The following TBC1D16 variants were observed in gnomAD, a reference collection of about 807,000 sequenced individuals.
The protein encoded by TBC1D16 is CTD-2529O21.1.
TBC1D16 carries 58 observed loss-of-function variants against 74.7 expected under a neutral mutation model. The observed-to-expected ratio is 0.78, with a 90% confidence interval of 0.63 to 0.97. TBC1D16 has a LOEUF of 0.97. Ranked by LOEUF, TBC1D16 falls within the 50% of genes least tolerant of loss-of-function variation. The pLI, the probability that TBC1D16 is intolerant of heterozygous loss-of-function variation, is 0.00. For missense variants in TBC1D16, 1,014 were observed against 1,079.5 expected (o/e 0.94, Z 0.85); for synonymous variants, 493 against 474.7 (o/e 1.04, Z -0.50).
chr17:79,977,867 T>TG (rs1462287915), intron 3 of TBC1D16, among the ~76,000 whole-genome samples: 1 of 152,190 alleles, frequency 6.6e-6, no homozygotes, highest in Admixed American at 6.5e-5. Flanking sequence ...GGGCGATTGA[T>TG]GCGGCTGCCA....
At chr17:79,960,202 T>C (rs1364379134) in intron 3 of TBC1D16, among the ~76,000 whole-genome samples, 2 of 152,052 alleles carry the variant, frequency 1.3e-5, no homozygotes, top group Non-Finnish European at 2.9e-5. Flanking sequence ...ATCATATAAG[T>C]CAGTAATATG....
rs965141092 is a variant in TBC1D16, at chr17:79,985,088, G to A, written c.779+25072C>T. 1.3e-5 allele frequency among the ~76,000 whole-genome samples: 2 copies of A among 152,136 alleles called. No homozygotes were observed. Among genetic ancestry groups the A allele is most frequent in the Non-Finnish European group, 2.9e-5 (2 of 68,028 alleles). On this transcript the variant is annotated intron_variant, in intron 3 of 11. Coordinates refer to ENST00000310924, the MANE Select transcript of TBC1D16 (RefSeq NM_019020.4). The surrounding 1 kb of genome is among the most constrained non-coding windows in gnomAD (Gnocchi z 4.9). ...TCAAAGTCAAGGTGCTAGTCGGGCCGCGCCCCCTCTGAAGGCTCCAGGCAA... is the reference window on the plus strand; with the variant it reads ...TCAAAGTCAAGGTGCTAGTCGGGCCACGCCCCCTCTGAAGGCTCCAGGCAA...
Position 80,032,500 on chromosome 17 carries a change from TTC to T in TBC1D16, c.-63+3293_-63+3294del, listed in dbSNP as rs555934549. Among the ~76,000 whole-genome samples, 13 of 152,296 alleles carry T rather than the reference TTC, an allele frequency of 8.5e-5. No individual in the cohort carries two copies. The South Asian group carries it at 2.7e-3, about 32-fold the overall frequency. On this transcript the variant is annotated intron_variant, in intron 1 of 11. Transcript: ENST00000310924. Reference sequence around the variant, plus strand: ...TCCGAAGACAGAGTAAAGAACGTATTTCAAATCAGATGCCACCAGACAGCTCA... The same window carrying T: ...TCCGAAGACAGAGTAAAGAACGTATTAAATCAGATGCCACCAGACAGCTCA...
chr17:79,989,331 C>T (rs937595032), intron 3 of TBC1D16, among the ~76,000 whole-genome samples: 1 of 152,268 alleles, frequency 6.6e-6, no homozygotes, highest in Non-Finnish European at 1.5e-5. Context: ...AAGCCCCTCT[C>T]ACTGGTGGTT....
intron 3 of TBC1D16, among the ~76,000 whole-genome samples, chr17:80,002,705 GT>G (rs1301582620): frequency 6.6e-6 from 1 of 152,242 alleles, no homozygotes; most frequent in Non-Finnish European, 1.5e-5. Context: ...GCCTCCCGCT[GT>G]GACCACCAAA....
chr17:79,954,578 C>G lies in TBC1D16; in HGVS notation c.780-1760G>C, dbSNP rs779924272. Among the ~76,000 whole-genome samples the G allele has an allele frequency of 4.6e-5, 7 of 152,206 alleles. No individual in the cohort carries two copies. On this transcript the variant is annotated intron_variant, in intron 3 of 11. Coordinates refer to ENST00000310924, the MANE Select transcript of TBC1D16 (RefSeq NM_019020.4). This position sits in a 1 kb window ranked among gnomAD's most constrained non-coding sequence, Gnocchi z 5.5. ...GCGGACGGGCCCAGAAGACCGAGGGCTCCTGACATCTTCCCAAGTGGACCC... is the reference window on the plus strand; with the variant it reads ...GCGGACGGGCCCAGAAGACCGAGGGGTCCTGACATCTTCCCAAGTGGACCC...
At position 79,988,355 on chromosome 17, in the gene TBC1D16, T is replaced by C. The variant is rs1262713327; in HGVS notation, c.779+21805A>G. ...ACCAGCCCATGGGCCTCTCCCTGGC[T>C]CCAGCTGTGGCTGATTTACCCAAAC... On this transcript the variant is annotated intron_variant, in intron 3 of 11. Coordinates refer to ENST00000310924, the MANE Select transcript of TBC1D16 (RefSeq NM_019020.4). This position sits in a 1 kb window ranked among gnomAD's most constrained non-coding sequence, Gnocchi z 5.7. 6.6e-6 allele frequency among the ~76,000 whole-genome samples: 1 copy of C among 152,210 alleles called. No homozygotes were observed.
chr17:79,942,970 G>A (rs578241729), intron 10 of TBC1D16, among the ~76,000 whole-genome samples: 257 of 152,354 alleles, frequency 1.7e-3, no homozygotes, highest in African/African-American at 5.6e-3. Flanking sequence ...TGTGCTCTCC[G>A]GCCTGGCCGC....
Position 80,010,735 on chromosome 17 carries a change from C to T in TBC1D16, c.204G>A (p.Glu68=), listed in dbSNP as rs762324377. Reference sequence around the variant, plus strand: ...GGGTGGCTCCCAGCATCTCATCCTTCTCCATGTACAAGCACAGGTAACCTG... The same window carrying T: ...GGGTGGCTCCCAGCATCTCATCCTTTTCCATGTACAAGCACAGGTAACCTG... The part of the protein sequence containing the change: ...HHPGYLCLYM[E]KDEMLGATLI... The change falls in exon 3 of 12, where the codon GAG becomes GAA. Residue 68 remains glutamate (E), a synonymous_variant. Transcript: ENST00000310924. This position sits in a 1 kb window ranked among gnomAD's most constrained non-coding sequence, Gnocchi z 8.8. 5 of 1,500,830 alleles carry T rather than the reference C, an allele frequency of 3.3e-6. No individual in the cohort carries two copies. The South Asian group carries it at 6.9e-5, about 21-fold the overall frequency. 93.0% of individuals were successfully genotyped at this position (1,500,830 alleles called of 1,614,324 possible).
rs367986357 is a variant in TBC1D16, at chr17:79,942,233, C to T, written c.1909-27G>A. On this transcript the variant is annotated intron_variant, in intron 10 of 11. Transcript: ENST00000310924. ...TGTGGAGGCGGGTAGAGTTCAGACA[C>T]GGGCTCTGACCGAGCCCCAGGCCCT... 50 of 1,564,456 alleles carry T rather than the reference C, an allele frequency of 3.2e-5. No homozygotes were observed. The South Asian group carries it at 4.2e-4, about 13-fold the overall frequency.
rs895578914 is a variant in TBC1D16, at chr17:79,933,874, G to A, written c.*6985C>T. 6.6e-6 allele frequency: 1 copy of A among 152,264 alleles called. No homozygotes were observed. The highest frequency in any genetic ancestry group is 2.4e-5 in the African/African-American group (1 of 41,458). The allele number at this position is 152,264 out of a possible 1,614,324, so 9.4% of individuals were successfully genotyped here. A position where few individuals can be genotyped will look rare whatever the true frequency, so the allele number is the denominator to read the frequency against. The stretch of plus-strand genomic sequence containing the variant: ...GCCCACGGTACCATAGTCCTCGTGG[G>A]ATGAATGCATGAATGATGTGGAAGG... On this transcript the variant is annotated 3_prime_UTR_variant, in exon 12 of 12. Transcript: ENST00000310924.
At position 79,986,964 on chromosome 17, in the gene TBC1D16, A is replaced by G. The variant is rs954433195; in HGVS notation, c.779+23196T>C. On this transcript the variant is annotated intron_variant, in intron 3 of 11. Coordinates refer to ENST00000310924, the MANE Select transcript of TBC1D16 (RefSeq NM_019020.4). This position sits in a 1 kb window ranked among gnomAD's most constrained non-coding sequence, Gnocchi z 6.0. ...GGCTCCCTTCCCGGGATGGCCTTGT[A>G]GCAAATCCATCTGGGATATGTTTTG... Among the ~76,000 whole-genome samples, 4 of 152,220 alleles carry G rather than the reference A, an allele frequency of 2.6e-5. No homozygotes were observed. The highest frequency in any genetic ancestry group is 9.6e-5 in the African/African-American group (4 of 41,472).
At chr17:80,006,139 G>C (rs968772174) in intron 3 of TBC1D16, among the ~76,000 whole-genome samples, 1 of 152,170 alleles carries the variant, frequency 6.6e-6, no homozygotes, top group Non-Finnish European at 1.5e-5. Context: ...GTCATCTGGG[G>C]TCCTCGGCCC....
chr17:79,962,779 C>T (rs2033673978), intron 3 of TBC1D16, among the ~76,000 whole-genome samples: 1 of 150,792 alleles, frequency 6.6e-6, no homozygotes, highest in South Asian at 2.1e-4. Flanking sequence ...ACTAAAAATA[C>T]AAAAATTAAT....
rs551752244 is a variant in TBC1D16 at position 79,981,391 on chromosome 17, C to A, written c.780-28573G>T. Among the ~76,000 whole-genome samples, 18 of 152,292 alleles carry A rather than the reference C, an allele frequency of 1.2e-4. No individual in the cohort carries two copies. The highest frequency in any genetic ancestry group is 6.5e-4 in the Admixed American group (10 of 15,302). ...CCCGGGCCCTGCTGGGAGAAGGCCTCGGGCCTCCACCTCCAGCAATCCTCT... is the reference window on the plus strand; with the variant it reads ...CCCGGGCCCTGCTGGGAGAAGGCCTAGGGCCTCCACCTCCAGCAATCCTCT... On this transcript the variant is annotated intron_variant, in intron 3 of 11. Transcript: ENST00000310924. The surrounding 1 kb of genome is among the most constrained non-coding windows in gnomAD (Gnocchi z 6.9).
rs1419266680 is a variant in TBC1D16 at position 80,031,227 on chromosome 17, T to C, written c.-63+4568A>G. Among the ~76,000 whole-genome samples the C allele has an allele frequency of 2.6e-5, 4 of 152,186 alleles. No individual in the cohort carries two copies. The South Asian group carries it at 6.2e-4, about 24-fold the overall frequency. Reference sequence around the variant, plus strand: ...CAGTCTCATCAGGAGGATAATCCCCTGCGGGGCCGCCGTGATTTCTCCTCG... The same window carrying C: ...CAGTCTCATCAGGAGGATAATCCCCCGCGGGGCCGCCGTGATTTCTCCTCG... On this transcript the variant is annotated intron_variant, in intron 1 of 11. Transcript: ENST00000310924.
chr17:80,034,857 G>A (rs1347566209), intron 1 of TBC1D16, among the ~76,000 whole-genome samples: 1 of 152,198 alleles, frequency 6.6e-6, no homozygotes, highest in Non-Finnish European at 1.5e-5. Context: ...CCTCACGTGA[G>A]CATCTTTAAG....
chr17:79,966,730 T>C (rs1376764030), intron 3 of TBC1D16, among the ~76,000 whole-genome samples: 2 of 152,232 alleles, frequency 1.3e-5, no homozygotes, highest in African/African-American at 4.8e-5. Flanking sequence ...AAGTCATTTG[T>C]TGATACAAAA....
At chr17:79,966,162 T>C (rs571538217) in intron 3 of TBC1D16, among the ~76,000 whole-genome samples, 116 of 152,276 alleles carry the variant, frequency 7.6e-4, no homozygotes, top group African/African-American at 2.7e-3. Flanking sequence ...ATCACTCCAG[T>C]CTCTGCTCCA....
Sources: gnomAD v4.1 joint callset for allele counts (sites outside exome capture counted in the v4.1 genomes callset) on GRCh38, gnomAD v4.1.1 for gene constraint, Gnocchi (gnomAD v3.1) non-coding constraint, MANE v1.5 for transcripts, NCBI Gene and HGNC (gene_info 2026-07-23, HGNC 2026-07-21) for gene names.